Variants in TBC1D16 observed in about 807,000 individuals in gnomAD.
The protein encoded by TBC1D16 is TBC1 domain family member 16.
A neutral mutation model predicts 74.7 loss-of-function variants in TBC1D16; 58 were observed. The observed-to-expected ratio is 0.78, with a 90% CI of 0.63 to 0.97. The LOEUF (loss-of-function observed/expected upper bound fraction) is 0.97. Among genes scored for constraint, TBC1D16 ranks in the 50% least tolerant of loss-of-function variants. The pLI is 0.00. For synonymous variants in TBC1D16, 493 were observed against 474.7 expected, an observed-to-expected ratio of 1.04 and a Z score of -0.50; for missense variants, 1,014 against 1,079.5, an observed-to-expected ratio of 0.94 and a Z score of 0.85.
rs140088172 is a variant in TBC1D16, at chr17:79,954,341, C to T, written c.780-1523G>A. ...CACTGGGAACTTCACACAGAGAAAC[C>T]TGACTGGCCTTTCTAGAGCCCTCTA... On this transcript the variant is annotated intron_variant, in intron 3 of 11. Coordinates refer to ENST00000310924, the MANE Select transcript of TBC1D16 (RefSeq NM_019020.4). The surrounding 1 kb of genome is among the most constrained non-coding windows in gnomAD (Gnocchi z 5.5). Among the ~76,000 whole-genome samples, 62 of 152,326 alleles carry T rather than the reference C, an allele frequency of 4.1e-4. No homozygotes were observed. Among genetic ancestry groups the T allele is most frequent in the African/African-American group, 1.4e-3 (60 of 41,576 alleles).
chr17:79,934,805 T>C lies in TBC1D16; in HGVS notation c.*6054A>G, dbSNP rs2031483310. 2.0e-5 allele frequency: 3 copies of C among 152,378 alleles called. No individual in the cohort carries two copies. The highest frequency in any genetic ancestry group is 4.4e-5 in the Non-Finnish European group (3 of 68,204). The allele number at this position is 152,378 out of a possible 1,614,324, so 9.4% of individuals were successfully genotyped here. ...CCCTTCAGACATGAGACCCGAGTGA[T>C]GTAGATAAGAGGTATGTTCCCCTCC... On this transcript the variant is annotated 3_prime_UTR_variant, in exon 12 of 12. Coordinates refer to ENST00000310924, the MANE Select transcript of TBC1D16 (RefSeq NM_019020.4).
At chr17:80,024,547 ACACACACACCACACACGACACACCATAGG>A (rs1568648617) in intron 1 of TBC1D16, among the ~76,000 whole-genome samples, 36 of 99,328 alleles carry the variant, frequency 3.6e-4, no homozygotes, top group East Asian at 1.5e-3. Flanking sequence ...CACACCATAT[ACACACACACCACACACGACACACCATAGG>A]CACACACACC....
At position 79,941,565 on chromosome 17, in the gene TBC1D16, C is replaced by A. The variant is rs371845611; in HGVS notation, c.2056-458G>T. On this transcript the variant is annotated intron_variant, in intron 11 of 11. Coordinates refer to ENST00000310924, the MANE Select transcript of TBC1D16 (RefSeq NM_019020.4). This position sits in a 1 kb window ranked among gnomAD's most constrained non-coding sequence, Gnocchi z 4.3. ...CAGAGGACACCACCGACCTCGGGAC[C>A]CCCGCTCAGTGCCCTGAGGACCACC... is the stretch of plus-strand genomic sequence containing the variant. 6.6e-6 allele frequency among the ~76,000 whole-genome samples: 1 copy of A among 152,154 alleles called. No individual in the cohort carries two copies. The highest frequency in any genetic ancestry group is 2.4e-5 in the African/African-American group (1 of 41,448).
At position 80,000,976 on chromosome 17, in the gene TBC1D16, A is replaced by T. The variant is rs1210575324; in HGVS notation, c.779+9184T>A. 1.3e-5 allele frequency among the ~76,000 whole-genome samples: 2 copies of T among 152,214 alleles called. No homozygotes were observed. The highest frequency in any genetic ancestry group is 1.5e-5 in the Non-Finnish European group (1 of 68,030). ...ACACCAGAGGGCTGGGCACGGTGGCATCCCAGTCGAATTCTTTGGCAGCCC... is the reference window on the plus strand; with the variant it reads ...ACACCAGAGGGCTGGGCACGGTGGCTTCCCAGTCGAATTCTTTGGCAGCCC... On this transcript the variant is annotated intron_variant, in intron 3 of 11. Transcript: ENST00000310924. The surrounding 1 kb of genome is among the most constrained non-coding windows in gnomAD (Gnocchi z 4.1).
rs962590547 is a variant in TBC1D16 at position 79,971,887 on chromosome 17, G to C, written c.780-19069C>G. 7.9e-5 allele frequency among the ~76,000 whole-genome samples: 12 copies of C among 152,294 alleles called. No homozygotes were observed. Among genetic ancestry groups the C allele is most frequent in the Admixed American group, 7.2e-4 (11 of 15,296 alleles). The stretch of plus-strand genomic sequence containing the variant: ...GGTGGCATGGGGGCTGGCTGTGGGG[G>C]TCTTTGTGGGGAAGAAAGAGCCTGA... On this transcript the variant is annotated intron_variant, in intron 3 of 11. Coordinates refer to ENST00000310924, the MANE Select transcript of TBC1D16 (RefSeq NM_019020.4). This position sits in a 1 kb window ranked among gnomAD's most constrained non-coding sequence, Gnocchi z 4.6.
At position 79,947,696 on chromosome 17, in the gene TBC1D16, C is replaced by G; in HGVS notation, c.1677G>C (p.Gln559His). 3 of 1,614,166 alleles carry G rather than the reference C, an allele frequency of 1.9e-6. No homozygotes were observed. Among genetic ancestry groups the G allele is most frequent in the Non-Finnish European group, 2.5e-6 (3 of 1,180,036 alleles). ...DTFWCFVGLM[Q>H]NTIFVSSPRD... Reference sequence around the variant, plus strand: ...GGGGTGAGCTGACGAAGATCGTGTTCTGCATCAAACCCACAAAGCACCAGA... The same window carrying G: ...GGGGTGAGCTGACGAAGATCGTGTTGTGCATCAAACCCACAAAGCACCAGA... The change falls in exon 9 of 12, where the codon CAG becomes CAC. Residue 559 changes from glutamine (Q) to histidine (H), a missense_variant. Gln to His is a conservative substitution (Grantham distance 24, BLOSUM62 0). Coordinates refer to ENST00000310924, the MANE Select transcript of TBC1D16 (RefSeq NM_019020.4).
intron 3 of TBC1D16, among the ~76,000 whole-genome samples, chr17:79,957,020 A>G (rs969561155): frequency 3.3e-5 from 5 of 152,140 alleles, no homozygotes; most frequent in African/African-American, 1.2e-4. Flanking sequence ...TTCTGTGGCC[A>G]CAGCAGCAGG....
Position 79,944,871 on chromosome 17 carries a change from T to TCCCAACCTCCCCAGCCCTGGC in TBC1D16, c.1908+16_1908+36dup, listed in dbSNP as rs1188714243. 1 of 1,523,814 alleles carries TCCCAACCTCCCCAGCCCTGGC rather than the reference T, an allele frequency of 6.6e-7. No individual in the cohort carries two copies. The highest frequency in any genetic ancestry group is 8.8e-7 in the Non-Finnish European group (1 of 1,133,596). 94.4% of individuals were successfully genotyped at this position (1,523,814 alleles called of 1,614,324 possible). On this transcript the variant is annotated intron_variant, in intron 10 of 11. Transcript: ENST00000310924. This position sits in a 1 kb window ranked among gnomAD's most constrained non-coding sequence, Gnocchi z 7.7. ...GGCCACGGTGGTTCAGGGGCCATGG[T>TCCCAACCTCCCCAGCCCTGGC]CCCAACCTCCCCAGCCCTGGCCCCT...
Position 79,948,977 on chromosome 17 carries a change from G to T in TBC1D16, c.1436C>A (p.Ala479Glu). 1 of 1,614,136 alleles carries T rather than the reference G, an allele frequency of 6.2e-7. No individual in the cohort carries two copies. Among genetic ancestry groups the T allele is most frequent in the Non-Finnish European group, 8.5e-7 (1 of 1,180,006 alleles). ...RLSMTPEEHR[A>E]FWRNVQFTVD... ...AGTGAACTGCACATTACGCCAGAAC[G>T]CTCTGTGCTCCTCGGGAGTCATGGA... Residue 479 changes from alanine (A) to glutamate (E), a missense_variant, in exon 8 of 12, where the codon GCG becomes GAG. Transcript: ENST00000310924.
chr17:80,004,792 A>G (rs1424614993), intron 3 of TBC1D16, among the ~76,000 whole-genome samples: 1 of 152,132 alleles, frequency 6.6e-6, no homozygotes, highest in Non-Finnish European at 1.5e-5. Flanking sequence ...CTCGTGCCTG[A>G]GCTTCCCAAG....
At chr17:80,003,822 G>A (rs2035580329) in intron 3 of TBC1D16, among the ~76,000 whole-genome samples, 1 of 152,170 alleles carries the variant, frequency 6.6e-6, no homozygotes, top group Admixed American at 6.5e-5. Context: ...GGTCCAGGCA[G>A]GAGGGTCACT....
chr17:79,958,130 C>A (rs1175801719), intron 3 of TBC1D16, among the ~76,000 whole-genome samples: 1 of 149,008 alleles, frequency 6.7e-6, no homozygotes, highest in African/African-American at 2.5e-5. Flanking sequence ...CATCAATTAA[C>A]AAATTATAAA....
At position 79,968,335 on chromosome 17, in the gene TBC1D16, G is replaced by T. The variant is rs148400071; in HGVS notation, c.780-15517C>A. ...GAAAGAATAGTCTTTTCAGCAAATG[G>T]CACAGAGACAACTGGATAGCCACAT... On this transcript the variant is annotated intron_variant, in intron 3 of 11. Transcript: ENST00000310924. Among the ~76,000 whole-genome samples the T allele has an allele frequency of 2.2e-3, 339 of 152,292 alleles. 1 individual carries two copies. Among genetic ancestry groups the T allele is most frequent in the African/African-American group, 7.8e-3 (324 of 41,554 alleles).
chr17:79,944,067 A>C lies in TBC1D16; in HGVS notation c.1908+841T>G, dbSNP rs1253808939. The stretch of plus-strand genomic sequence containing the variant: ...TGCAAAGGCGGCGTGTGGTACCGGC[A>C]CTCGGTGGCTTCAGACTCGCTTTCA... On this transcript the variant is annotated intron_variant, in intron 10 of 11. Coordinates refer to ENST00000310924, the MANE Select transcript of TBC1D16 (RefSeq NM_019020.4). This position sits in a 1 kb window ranked among gnomAD's most constrained non-coding sequence, Gnocchi z 7.7. The C allele has an allele frequency of 6.5e-7, 1 of 1,535,602 alleles. No individual in the cohort carries two copies. Among genetic ancestry groups the C allele is most frequent in the Non-Finnish European group, 8.7e-7 (1 of 1,146,770 alleles).
intron 1 of TBC1D16, among the ~76,000 whole-genome samples, chr17:80,025,138 G>GCACACACAATGA: frequency 1.1e-5 from 1 of 92,346 alleles, no homozygotes; most frequent in South Asian, 3.5e-4. Flanking sequence ...CACACCATAG[G>GCACACACAATGA]CACACACAAA....
chr17:79,976,003 G>A (rs944321872), intron 3 of TBC1D16, among the ~76,000 whole-genome samples: 2 of 152,240 alleles, frequency 1.3e-5, no homozygotes, highest in Non-Finnish European at 2.9e-5. Flanking sequence ...CCAGGCAGCA[G>A]TGTCAGACTT....
chr17:79,978,059 C>CTA, intron 3 of TBC1D16, among the ~76,000 whole-genome samples: 1 of 152,338 alleles, frequency 6.6e-6, no homozygotes, highest in African/African-American at 2.4e-5. Context: ...CACAGCCGGC[C>CTA]GGATTCTGCC....
intron 3 of TBC1D16, among the ~76,000 whole-genome samples, chr17:79,967,076 G>GA (rs1345651417): frequency 6.6e-6 from 1 of 152,020 alleles, no homozygotes; most frequent in Non-Finnish European, 1.5e-5. Flanking sequence ...TGTTATCTAT[G>GA]AAAAACCAAC....
chr17:79,966,664 T>C (rs2033856869), intron 3 of TBC1D16, among the ~76,000 whole-genome samples: 1 of 152,186 alleles, frequency 6.6e-6, no homozygotes. Flanking sequence ...CCTTGGAAAA[T>C]CCTTAGAAAC....
Sources: gnomAD v4.1 joint callset for allele counts (sites outside exome capture counted in the v4.1 genomes callset) on GRCh38, gnomAD v4.1.1 for gene constraint, Gnocchi (gnomAD v3.1) non-coding constraint, MANE v1.5 for transcripts, NCBI Gene and HGNC (gene_info 2026-07-23, HGNC 2026-07-21) for gene names.